The following ASAP1 variants were observed in gnomAD, a reference collection of about 807,000 sequenced individuals.
ASAP1 encodes the protein ArfGAP with SH3 domain, ankyrin repeat and PH domain 1.
Under a neutral mutation model 145.2 loss-of-function variants are expected in ASAP1, and 43 were observed. The ratio of observed to expected loss-of-function variants is 0.30; its 90% CI spans 0.23 to 0.38. The LOEUF is 0.38. Among genes scored for constraint, ASAP1 ranks in the 10% least tolerant of loss-of-function variants. The pLI is 1.00. For missense variants in ASAP1, 1,018 were observed against 1,355.3 expected (o/e 0.75, Z 3.91); for synonymous variants, 546 against 515.5 (o/e 1.06, Z -0.80).
At chr8:130,144,279 G>A (rs1478462482) in intron 13 of ASAP1, among the ~76,000 whole-genome samples, 1 of 152,150 alleles carries the variant, frequency 6.6e-6, no homozygotes, top group Non-Finnish European at 1.5e-5. Flanking sequence ...CTTCCAAACA[G>A]ATAAAAGGTA....
At chr8:130,214,787 C>G in intron 4 of ASAP1, 86 bp from the exon 5 acceptor site, 2 of 1,168,030 alleles carry the variant, frequency 1.7e-6, no homozygotes, top group Non-Finnish European at 2.4e-6. Context: ...ACTACGAATT[C>G]TCAAAATGGA....
intron 27 of ASAP1, among the ~76,000 whole-genome samples, chr8:130,072,830 C>CGG (rs113708683): frequency 1.7e-3 from 54 of 31,918 alleles, no homozygotes; most frequent in African/African-American, 0.01. Flanking sequence ...TGTGTGCGCG[C>CGG]GGGGGGGGGC....
At position 130,086,428 on chromosome 8, in the gene ASAP1, AT is replaced by A. The variant is rs370726586; in HGVS notation, c.2572+5544del. The stretch of plus-strand genomic sequence containing the variant: ...CTTACAAGTGATGGCCTTATAAAAT[AT>A]TACGTACGTAGTTTTTTATCCGAAG... On this transcript the variant is annotated intron_variant, in intron 25 of 29. Transcript: ENST00000518721. 7.2e-5 allele frequency among the ~76,000 whole-genome samples: 11 copies of A among 152,216 alleles called. No individual in the cohort carries two copies. In the South Asian group the frequency reaches 1.2e-3, roughly 17 times the overall value.
intron 2 of ASAP1, among the ~76,000 whole-genome samples, chr8:130,372,787 G>A (rs557586894): frequency 6.6e-6 from 1 of 152,298 alleles, no homozygotes; most frequent in South Asian, 2.1e-4. Context: ...GCCTGAGAGA[G>A]AATTCAGATT....
At chr8:130,283,211 T>G (rs1227810656) in intron 3 of ASAP1, among the ~76,000 whole-genome samples, 4 of 152,092 alleles carry the variant, frequency 2.6e-5, no homozygotes, top group South Asian at 2.1e-4. Flanking sequence ...GCCCTCTTTG[T>G]AGAGAGCATG....
At chr8:130,281,153 T>C (rs1352595948) in intron 3 of ASAP1, among the ~76,000 whole-genome samples, 1 of 152,210 alleles carries the variant, frequency 6.6e-6, no homozygotes, top group Non-Finnish European at 1.5e-5. Flanking sequence ...TTATTTCATC[T>C]AGATAAACTC....
At chr8:130,123,552 GT>G (rs1460686765) in intron 18 of ASAP1, among the ~76,000 whole-genome samples, 33 of 151,980 alleles carry the variant, frequency 2.2e-4, no homozygotes, top group African/African-American at 8.0e-4. Flanking sequence ...ACTTTTCTTT[GT>G]TCTGCTTTCC....
At chr8:130,078,980 G>A (rs1156691460) in intron 26 of ASAP1, among the ~76,000 whole-genome samples, 1 of 152,128 alleles carries the variant, frequency 6.6e-6, no homozygotes, top group Middle Eastern at 3.2e-3. Context: ...GATTGCTTGA[G>A]CCCAGAAGTT....
In ASAP1 at chr8:130,360,798, T is replaced by G. The variant is rs1232662150; in HGVS notation, c.60-2655A>C. 2 of 152,170 alleles carry G rather than the reference T, an allele frequency of 1.3e-5. 1 individual carries two copies. The highest frequency in any genetic ancestry group is 2.9e-5 in the Non-Finnish European group (2 of 68,060). 9.4% of individuals were successfully genotyped at this position (152,170 alleles called of 1,614,324 possible). ...ACAGCTGAAGATCCATACCTGGAGG[T>G]CACTTGCTCATGTGCCATAGTTGAC... is the stretch of plus-strand genomic sequence containing the variant. On this transcript the variant is annotated intron_variant, in intron 2 of 29. Transcript: ENST00000518721.
intron 4 of ASAP1, among the ~76,000 whole-genome samples, chr8:130,217,000 T>C (rs1816968394): frequency 6.6e-6 from 1 of 152,232 alleles, no homozygotes; most frequent in Non-Finnish European, 1.5e-5. Context: ...GTGGCAGACA[T>C]TACCACTTGC....
At chr8:130,089,681 G>A (rs2097501421) in intron 25 of ASAP1, among the ~76,000 whole-genome samples, 1 of 152,116 alleles carries the variant, frequency 6.6e-6, no homozygotes, top group Non-Finnish European at 1.5e-5. Context: ...CAGACCTCAA[G>A]CACTAGGAGC....
intron 4 of ASAP1, among the ~76,000 whole-genome samples, chr8:130,231,742 C>A (rs899867755): frequency 4.6e-5 from 7 of 152,200 alleles, no homozygotes; most frequent in African/African-American, 1.7e-4. Flanking sequence ...ACTCAGTATA[C>A]CCACGCTTAT....
chr8:130,220,511 A>G (rs186140828), intron 4 of ASAP1, among the ~76,000 whole-genome samples: 26 of 152,334 alleles, frequency 1.7e-4, no homozygotes, highest in African/African-American at 5.8e-4. Flanking sequence ...CCACTTCGGC[A>G]TAACAATTAT....
At position 130,074,440 on chromosome 8, in the gene ASAP1, AACACACACACACAC is replaced by A. The variant is rs57005471; in HGVS notation, c.2701+1894_2701+1907del. The stretch of plus-strand genomic sequence containing the variant: ...TTATTACGGAAAATTCCAAATAGTA[AACACACACACACAC>A]ACACACACACACACACACACACACA... On this transcript the variant is annotated intron_variant, in intron 27 of 29. Transcript: ENST00000518721. 2.6e-4 allele frequency among the ~76,000 whole-genome samples: 31 copies of A among 119,330 alleles called. 1 individual carries two copies. Among genetic ancestry groups the A allele is most frequent in the East Asian group, 2.1e-3 (7 of 3,364 alleles). The allele number at this position is 119,330 out of a possible 152,430, so 78.3% of individuals were successfully genotyped here.
Position 130,116,886 on chromosome 8 carries a change from C to A in ASAP1, c.1990G>T (p.Asp664Tyr), listed in dbSNP as rs1210861620. The change falls in exon 21 of 30, where the codon GAT becomes TAT. Residue 664 changes from aspartate (D) to tyrosine (Y), a missense_variant. By Grantham distance (160) the Asp-to-Tyr change is radical. Coordinates refer to ENST00000518721, the MANE Select transcript of ASAP1 (RefSeq NM_018482.4). ...KLLLRSKPTV[D>Y]IVNQAGETAL... is the part of the protein sequence containing the mutation. ...ACACTAGACACACTCTTACCTATAT[C>A]CACAGTGGGCTTGCTCCTGAGCAAA... The A allele has an allele frequency of 1.2e-6, 2 of 1,612,878 alleles. No homozygotes were observed. Among genetic ancestry groups the A allele is most frequent in the South Asian group, 1.1e-5 (1 of 91,006 alleles).
At chr8:130,312,419 A>C (rs368210998) in intron 3 of ASAP1, among the ~76,000 whole-genome samples, 28 of 152,026 alleles carry the variant, frequency 1.8e-4, no homozygotes, top group African/African-American at 6.5e-4. Context: ...AATCTAACAC[A>C]CTTAAGCAAA....
chr8:130,134,563 G>T (rs1223622066), intron 14 of ASAP1, among the ~76,000 whole-genome samples: 2 of 152,052 alleles, frequency 1.3e-5, no homozygotes, highest in African/African-American at 2.4e-5. Flanking sequence ...AAAAACTGAG[G>T]CTCCAAGAGG....
rs1178968479 is a variant in ASAP1 at position 130,358,001 on chromosome 8, T to C, written c.186+16A>G. The C allele has an allele frequency of 1.7e-5, 27 of 1,590,728 alleles. No homozygotes were observed. Among genetic ancestry groups the C allele is most frequent in the Non-Finnish European group, 2.3e-5 (27 of 1,172,910 alleles). ...CAGCGGCGAGCGTGGACGGCGGGGG[T>C]CCCGGCCCGACCTACCTCCTCCAGC... On this transcript the variant is annotated intron_variant, in intron 3 of 29. Coordinates refer to ENST00000518721, the MANE Select transcript of ASAP1 (RefSeq NM_018482.4). The surrounding 1 kb of genome is among the most constrained non-coding windows in gnomAD (Gnocchi z 4.1).
chr8:130,231,129 T>TA (rs1387963999), intron 4 of ASAP1, among the ~76,000 whole-genome samples: 10 of 152,338 alleles, frequency 6.6e-5, no homozygotes, highest in African/African-American at 2.4e-4. Flanking sequence ...TTTCTTAAAA[T>TA]AGATAATTTA....
Sources: gnomAD v4.1 joint callset for allele counts (sites outside exome capture counted in the v4.1 genomes callset) on GRCh38, gnomAD v4.1.1 for gene constraint, Gnocchi (gnomAD v3.1) non-coding constraint, MANE v1.5 for transcripts, NCBI Gene and HGNC (gene_info 2026-07-23, HGNC 2026-07-21) for gene names.